Variants in MRPL13 observed in about 807,000 individuals in gnomAD.
The protein encoded by MRPL13 is large ribosomal subunit protein uL13m.
MRPL13 carries 33 observed loss-of-function variants against 29.0 expected under a neutral mutation model. The observed-to-expected ratio is 1.14, with a 90% confidence interval of 0.86 to 1.52. MRPL13 has a LOEUF of 1.52. Ranked by LOEUF, MRPL13 falls within the 40% of genes most tolerant of loss-of-function variation. MRPL13 has a pLI of 0.00. For synonymous variants in MRPL13, 77 were observed against 68.4 expected, an observed-to-expected ratio of 1.13 and a Z score of -0.62; for missense variants, 227 against 216.7, an observed-to-expected ratio of 1.05 and a Z score of -0.30.
chr8:120,436,450 G>C lies in MRPL13; in HGVS notation c.152-4327C>G, dbSNP rs370997433. ...CTACTTATATTGAACATCTTTTCAT[G>C]TACTTATCTGCCATCTGTTCATGTA... On this transcript the variant is annotated intron_variant, in intron 2 of 6. Coordinates refer to ENST00000306185, the MANE Select transcript of MRPL13 (RefSeq NM_014078.6). Among the ~76,000 whole-genome samples, 418 of 152,166 alleles carry C rather than the reference G, an allele frequency of 2.7e-3. 2 individuals are homozygous for C. Among genetic ancestry groups the C allele is most frequent in the African/African-American group, 9.9e-3 (411 of 41,520 alleles).
chr8:120,399,861 G>C (rs960511100), intron 6 of MRPL13, among the ~76,000 whole-genome samples: 6 of 152,026 alleles, frequency 3.9e-5, no homozygotes, highest in African/African-American at 1.4e-4. Flanking sequence ...TTACAAAACA[G>C]ACTTTAAACC....
At chr8:120,408,959 G>T (rs887120785) in intron 6 of MRPL13, among the ~76,000 whole-genome samples, 1 of 152,124 alleles carries the variant, frequency 6.6e-6, no homozygotes, top group Non-Finnish European at 1.5e-5. Flanking sequence ...GAGCTGAATG[G>T]ATCACATATT....
chr8:120,403,391 G>A (rs566453906), intron 6 of MRPL13, among the ~76,000 whole-genome samples: 71 of 152,236 alleles, frequency 4.7e-4, no homozygotes, highest in African/African-American at 1.4e-3. Context: ...ATGTAGGAAC[G>A]GAAACCCAAA....
rs547443402 is a variant in MRPL13, at chr8:120,425,945, G to A, written c.246-579C>T. On this transcript the variant is annotated intron_variant, in intron 3 of 6. Transcript: ENST00000306185. ...AAGTGGCAATTACAAAATATACATT[G>A]AATAGTACTGGAGGCAGCTTAGCTT... Among the ~76,000 whole-genome samples, 5 of 152,118 alleles carry A rather than the reference G, an allele frequency of 3.3e-5. No homozygotes were observed. In the South Asian group the frequency reaches 1.0e-3, roughly 32 times the overall value.
intron 3 of MRPL13, among the ~76,000 whole-genome samples, chr8:120,431,052 A>C (rs548044179): frequency 2.6e-5 from 4 of 152,286 alleles, no homozygotes; most frequent in African/African-American, 9.6e-5. Flanking sequence ...CAGTTTTGTT[A>C]AATTATATAA....
chr8:120,437,337 T>C (rs1203820681), intron 2 of MRPL13, among the ~76,000 whole-genome samples: 2 of 152,194 alleles, frequency 1.3e-5, no homozygotes, highest in Admixed American at 1.3e-4. Context: ...ATTCATAGCA[T>C]TAATTTTTAT....
At chr8:120,430,512 G>A (rs1812985941) in intron 3 of MRPL13, among the ~76,000 whole-genome samples, 1 of 152,158 alleles carries the variant, frequency 6.6e-6, no homozygotes, top group African/African-American at 2.4e-5. Context: ...TGTAAGTGAA[G>A]AGTCAACAGA....
chr8:120,426,202 G>A (rs775211967), intron 3 of MRPL13, among the ~76,000 whole-genome samples: 1 of 152,056 alleles, frequency 6.6e-6, no homozygotes, highest in Non-Finnish European at 1.5e-5. Flanking sequence ...CTAAACAGAT[G>A]AAGTCCAAAC....
intron 6 of MRPL13, among the ~76,000 whole-genome samples, chr8:120,401,517 C>T (rs1222573674): frequency 6.6e-6 from 1 of 152,078 alleles, no homozygotes. Context: ...ATAGTAAGGG[C>T]CATATGTGAC....
intron 6 of MRPL13, among the ~76,000 whole-genome samples, chr8:120,400,292 C>T (rs1323763356): frequency 1.3e-5 from 2 of 152,124 alleles, no homozygotes; most frequent in African/African-American, 4.8e-5. Context: ...GATCACAGTG[C>T]AATCAAATTA....
At chr8:120,426,287 G>A (rs1365916210) in intron 3 of MRPL13, among the ~76,000 whole-genome samples, 1 of 152,004 alleles carries the variant, frequency 6.6e-6, no homozygotes, top group Admixed American at 6.6e-5. Context: ...ACCTAAAGGT[G>A]ATTTTTTCCA....
chr8:120,408,820 C>T (rs1052103362), intron 6 of MRPL13, among the ~76,000 whole-genome samples: 11 of 152,172 alleles, frequency 7.2e-5, no homozygotes, highest in Non-Finnish European at 1.6e-4. Context: ...TTAGGATTAA[C>T]AGCTTTCATA....
intron 2 of MRPL13, among the ~76,000 whole-genome samples, chr8:120,432,604 T>G (rs966824571): frequency 6.6e-6 from 1 of 152,106 alleles, no homozygotes; most frequent in African/African-American, 2.4e-5. Flanking sequence ...CAATTATTAT[T>G]TTTTGCAAAT....
rs552503597 is a variant in MRPL13 at position 120,432,136 on chromosome 8, A to G, written c.152-13T>C. 1.1e-5 allele frequency: 17 copies of G among 1,546,256 alleles called. No individual in the cohort carries two copies. In the African/African-American group the frequency reaches 2.2e-4, roughly 20 times the overall value. Reference sequence around the variant, plus strand: ...TCCCCACAGTCACCTACATTTTAAAAAGAAACAAGATTTTGTAAGAAAAAT... The same window carrying G: ...TCCCCACAGTCACCTACATTTTAAAGAGAAACAAGATTTTGTAAGAAAAAT... On this transcript the variant is annotated splice_polypyrimidine_tract_variant and intron_variant, in intron 2 of 6. Transcript: ENST00000306185.
intron 3 of MRPL13, among the ~76,000 whole-genome samples, chr8:120,427,147 A>G (rs1365779783): frequency 6.6e-6 from 1 of 152,156 alleles, no homozygotes; most frequent in East Asian, 1.9e-4. Context: ...AAAAAACAAA[A>G]GTGGATTAAT....
At position 120,419,852 on chromosome 8, in the gene MRPL13, C is replaced by A; in HGVS notation, c.393G>T (p.Glu131Asp). ...MMERLHLFPD[E>D]YIPEDILKNL... ...TTGTTACCAATGACCACTGACTTAC[C>A]TCATCTGGAAAAAGATGCAACCTTT... Residue 131 changes from glutamate to aspartate, a missense_variant and splice_region_variant, in exon 5 of 7, where the codon GAG becomes GAT. Physicochemically the swap from Glu to Asp is conservative, Grantham distance 45. Coordinates refer to ENST00000306185, the MANE Select transcript of MRPL13 (RefSeq NM_014078.6). 1 of 1,588,162 alleles carries A rather than the reference C, an allele frequency of 6.3e-7. No homozygotes were observed. The highest frequency in any genetic ancestry group is 1.2e-5 in the South Asian group (1 of 86,066).
At chr8:120,403,236 A>C (rs375569640) in intron 6 of MRPL13, among the ~76,000 whole-genome samples, 1 of 152,206 alleles carries the variant, frequency 6.6e-6, no homozygotes, top group East Asian at 1.9e-4. Context: ...TAGCAAAGAC[A>C]TGGAATCAAC....
intron 1 of MRPL13, chr8:120,444,847 G>T: frequency 4.5e-6 from 2 of 442,586 alleles, no homozygotes; most frequent in Non-Finnish European, 8.4e-6. Flanking sequence ...CCCCAAGAAA[G>T]ACATGAAAAG....
At chr8:120,403,312 A>T (rs1812623947) in intron 6 of MRPL13, among the ~76,000 whole-genome samples, 1 of 152,206 alleles carries the variant, frequency 6.6e-6, no homozygotes, top group Non-Finnish European at 1.5e-5. Flanking sequence ...TGCAGCCATA[A>T]AAAGAAATGA....
Sources: allele counts gnomAD v4.1 joint callset (sites outside exome capture counted in the v4.1 genomes callset), GRCh38; gene constraint gnomAD v4.1.1; transcripts MANE v1.5; gene names NCBI Gene and HGNC (gene_info 2026-07-23, HGNC 2026-07-21).